The following MAP3K11 variants were observed in gnomAD, a reference collection of about 807,000 sequenced individuals.
MAP3K11 encodes SH3 domain-containing proline-rich kinase.
A neutral mutation model predicts 84.9 loss-of-function variants in MAP3K11; 46 were observed. The observed-to-expected ratio is 0.54, with a 90% CI of 0.43 to 0.69. The LOEUF (loss-of-function observed/expected upper bound fraction) is 0.69, where lower values mean the gene tolerates loss of function less well. Ranked by LOEUF, MAP3K11 falls within the 30% of genes least tolerant of loss-of-function variation. The pLI, the probability that MAP3K11 is intolerant of heterozygous loss-of-function variation, is 0.00. For synonymous variants in MAP3K11, 527 were observed against 514.7 expected (o/e 1.02, Z -0.32); for missense variants, 1,053 against 1,198.3 (o/e 0.88, Z 1.79).
At position 65,613,873 on chromosome 11, in the gene MAP3K11, A is replaced by G; in HGVS notation, c.-117T>C. The G allele has an allele frequency of 8.5e-7, 1 of 1,182,088 alleles. No individual in the cohort carries two copies. The highest frequency in any genetic ancestry group is 1.1e-6 in the Non-Finnish European group (1 of 870,862). The allele number at this position is 1,182,088 out of a possible 1,614,324, so 73.2% of individuals were successfully genotyped here. On this transcript the variant is annotated 5_prime_UTR_variant, in exon 1 of 10. It removes the in-frame stop codon of an upstream open reading frame in the 5' UTR. Transcript: ENST00000309100. ...CCTGGGCATCCGGGCCCTGGCCCTC[A>G]GCCCCAGACCCACGCCTCTCTGGGG...
At chr11:65,608,686 T>C (rs3017080) in intron 1 of MAP3K11, 1 of 470,386 alleles carries the variant, frequency 2.1e-6, no homozygotes, top group Non-Finnish European at 3.8e-6. Context: ...GGCGTGATCT[T>C]GGCTCACTGC....
At chr11:65,604,340 A>G (rs1854484809) in intron 8 of MAP3K11, among the ~76,000 whole-genome samples, 1 of 152,236 alleles carries the variant, frequency 6.6e-6, no homozygotes, top group South Asian at 2.1e-4. Context: ...ACAGGCTCTC[A>G]AGTTCTCCTT....
rs765969079 is a variant in MAP3K11, at chr11:65,606,652, TG to T, written c.1603+38del. The T allele has an allele frequency of 7.7e-6, 11 of 1,422,700 alleles. No homozygotes were observed. The Admixed American group carries it at 1.4e-4, about 19-fold the overall frequency. The allele number at this position is 1,422,700 out of a possible 1,614,324, so 88.1% of individuals were successfully genotyped here. On this transcript the variant is annotated intron_variant, in intron 6 of 9. Coordinates refer to ENST00000309100, the MANE Select transcript of MAP3K11 (RefSeq NM_002419.4). ...TAAGGTCTGACAGAGAATAAGGAGC[TG>T]GGGGGCGGAGAGGGGCATGAGAGGT...
At chr11:65,600,292 T>C (rs1016905128) in intron 8 of MAP3K11, among the ~76,000 whole-genome samples, 2 of 152,220 alleles carry the variant, frequency 1.3e-5, no homozygotes, top group Non-Finnish European at 2.9e-5. Flanking sequence ...CTGTCTCTAT[T>C]CTAGAAAGGA....
At position 65,598,438 on chromosome 11, in the gene MAP3K11, G is replaced by T; in HGVS notation, c.2397C>A (p.Arg799=). ...CCGGGAACAAGGTCCAGGGTGCTCG[G>T]CGGGGTGCAGGCTGTGGTGATGGCA... ...SPLPSPQPAP[R]RAPWTLFPDS... The change falls in exon 10 of 10, where the codon CGC becomes CGA. Residue 799 remains arginine (R), a synonymous_variant. Coordinates refer to ENST00000309100, the MANE Select transcript of MAP3K11 (RefSeq NM_002419.4). 4 of 1,608,250 alleles carry T rather than the reference G, an allele frequency of 2.5e-6. No homozygotes were observed. Among genetic ancestry groups the T allele is most frequent in the Non-Finnish European group, 3.4e-6 (4 of 1,176,746 alleles).
At position 65,598,337 on chromosome 11, in the gene MAP3K11, T is replaced by C. The variant is rs1324431117; in HGVS notation, c.2498A>G (p.Lys833Arg). The part of the protein sequence containing the change: ...GGPQDCRAQT[K>R]DMGAQAPWVP... ...CCACGGGGCCTGGGCACCCATGTCT[T>C]TGGTCTGTGCCCTGCAGTCCTGGGG... The change falls in exon 10 of 10, where the codon AAA (lysine) becomes AGA (arginine). Residue 833 changes from lysine (K) to arginine (R), a missense_variant. Around this residue, in one of 3 missense-constraint regions of MAP3K11, gnomAD observed 583 missense variants for 566.6 expected, o/e 1.03. Coordinates refer to ENST00000309100, the MANE Select transcript of MAP3K11 (RefSeq NM_002419.4). 1 of 1,498,472 alleles carries C rather than the reference T, an allele frequency of 6.7e-7. No homozygotes were observed. The highest frequency in any genetic ancestry group is 8.9e-7 in the Non-Finnish European group (1 of 1,122,674). 92.8% of individuals were successfully genotyped at this position (1,498,472 alleles called of 1,614,324 possible).
intron 2 of MAP3K11, 64 bp downstream of exon 2, chr11:65,608,204 T>A (rs1396230821): frequency 9.4e-6 from 15 of 1,591,418 alleles, no homozygotes; most frequent in African/African-American, 2.7e-5. Context: ...GCCCTAGATT[T>A]AGGCAGCCAC....
chr11:65,601,613 A>G (rs112753386), intron 8 of MAP3K11, among the ~76,000 whole-genome samples: 1 of 151,210 alleles, frequency 6.6e-6, no homozygotes, highest in African/African-American at 2.4e-5. Context: ...AAAATTAGCC[A>G]GGCGTGGTGG....
In MAP3K11 at chr11:65,614,121, T is replaced by A. The variant is rs1565147539; in HGVS notation, c.-365A>T. 2 of 210,104 alleles carry A rather than the reference T, an allele frequency of 9.5e-6. No homozygotes were observed. The highest frequency in any genetic ancestry group is 5.6e-5 in the Admixed American group (1 of 17,892). 13.0% of individuals were successfully genotyped at this position (210,104 alleles called of 1,614,324 possible). A position where few individuals can be genotyped will look rare whatever the true frequency, so the allele number is the denominator to read the frequency against. On this transcript the variant is annotated 5_prime_UTR_variant, in exon 1 of 10. Transcript: ENST00000309100. Reference sequence around the variant, plus strand: ...GGGCCTTCAGGGGCAGCGCCTCAACTCCGGTTGGGTCTTTTTGCGCAGGGG... The same window carrying A: ...GGGCCTTCAGGGGCAGCGCCTCAACACCGGTTGGGTCTTTTTGCGCAGGGG...
At chr11:65,603,562 G>A (rs1854477122) in intron 8 of MAP3K11, among the ~76,000 whole-genome samples, 1 of 152,272 alleles carries the variant, frequency 6.6e-6, no homozygotes, top group South Asian at 2.1e-4. Flanking sequence ...TATGGCTTAT[G>A]CCGGGGACCA....
intron 4 of MAP3K11, 33 bp downstream of exon 4, chr11:65,607,608 C>G: frequency 6.3e-7 from 1 of 1,578,050 alleles, no homozygotes; most frequent in Non-Finnish European, 8.6e-7. Context: ...GGGAGACACT[C>G]GTTCCAACGC....
At position 65,613,783 on chromosome 11, in the gene MAP3K11, G is replaced by T; in HGVS notation, c.-27C>A. 6.6e-7 allele frequency: 1 copy of T among 1,510,796 alleles called. No homozygotes were observed. The highest frequency in any genetic ancestry group is 8.8e-7 in the Non-Finnish European group (1 of 1,134,744). The allele number at this position is 1,510,796 out of a possible 1,614,324, so 93.6% of individuals were successfully genotyped here. A position where few individuals can be genotyped will look rare whatever the true frequency, so the allele number is the denominator to read the frequency against. On this transcript the variant is annotated 5_prime_UTR_variant, in exon 1 of 10. Transcript: ENST00000309100. ...GCCGGGAGCCGGCGCTGGGATGTGT[G>T]GAGGACCTTCTCTGGGTGCCCGTGG...
chr11:65,608,336 G>A lies in MAP3K11; in HGVS notation c.852C>T (p.Gly284=), dbSNP rs752634263. 4 of 1,614,214 alleles carry A rather than the reference G, an allele frequency of 2.5e-6. No homozygotes were observed. The highest frequency in any genetic ancestry group is 2.2e-5 in the South Asian group (2 of 91,082). Residue 284 remains glycine (G), a synonymous_variant, in exon 2 of 10, where the codon GGC becomes GGT. Coordinates refer to ENST00000309100, the MANE Select transcript of MAP3K11 (RefSeq NM_002419.4). ...CCTCAGGAGCCATCCAGGCGTAGGT[G>A]CCCGCGGCACTCATTTGTGTGGTTT... The part of the protein sequence containing the change: ...WHKTTQMSAA[G]TYAWMAPEVI...
chr11:65,605,905 A>G, intron 7 of MAP3K11, 41 bp downstream of exon 7: 1 of 1,611,368 alleles, frequency 6.2e-7, no homozygotes. Context: ...GACTTGGGGA[A>G]AGCAAATGAT....
Position 65,598,569 on chromosome 11 carries a change from G to T in MAP3K11, c.2266C>A (p.Pro756Thr). The T allele has an allele frequency of 6.3e-7, 1 of 1,597,496 alleles. No individual in the cohort carries two copies. Among genetic ancestry groups the T allele is most frequent in the Non-Finnish European group, 8.5e-7 (1 of 1,171,388 alleles). The change falls in exon 10 of 10, where the codon CCA becomes ACA. Residue 756 changes from proline (P) to threonine (T), a missense_variant. Physicochemically the swap from Pro to Thr is conservative, Grantham distance 38 (BLOSUM62 -1). This residue lies in a region of MAP3K11 where 583 missense variants were observed against 566.6 expected (regional missense o/e 1.03). Coordinates refer to ENST00000309100, the MANE Select transcript of MAP3K11 (RefSeq NM_002419.4). ...SRSAPGTPGT[P>T]RSPPLGLISR... ...ATGAGGCCCAGGGGTGGTGAACGTGGGGTGCCTGGGGTGCCAGGAGCAGAG... is the reference window on the plus strand; with the variant it reads ...ATGAGGCCCAGGGGTGGTGAACGTGTGGTGCCTGGGGTGCCAGGAGCAGAG...
intron 1 of MAP3K11, chr11:65,610,682 C>A (rs566384998): frequency 7.9e-5 from 12 of 152,286 alleles, no homozygotes; most frequent in Non-Finnish European, 1.8e-4. Context: ...CTTGCTGCTT[C>A]TTGGCCTGTC....
intron 8 of MAP3K11, among the ~76,000 whole-genome samples, chr11:65,601,929 T>C (rs1419033619): frequency 1.3e-5 from 2 of 149,756 alleles, no homozygotes; most frequent in South Asian, 2.1e-4. Flanking sequence ...GTTGGCCGGG[T>C]GCGGTGGCTC....
chr11:65,607,972 G>C lies in MAP3K11; in HGVS notation c.1019C>G (p.Thr340Arg). ...GGGGCAGGTGGATGGGATGGGCAGTGTGAGCTTGTTAACAGCTACGCCATA... is the reference window on the plus strand; with the variant it reads ...GGGGCAGGTGGATGGGATGGGCAGTCTGAGCTTGTTAACAGCTACGCCATA... ...VAYGVAVNKL[T>R]LPIPSTCPEP... Residue 340 changes from threonine to arginine, a missense_variant, in exon 3 of 10, where the codon ACA (threonine) becomes AGA (arginine). Thr to Arg is a moderately conservative substitution (Grantham distance 71). Around this residue, in one of 3 missense-constraint regions of MAP3K11, gnomAD observed 310 missense variants for 464.5 expected, o/e 0.67. Coordinates refer to ENST00000309100, the MANE Select transcript of MAP3K11 (RefSeq NM_002419.4). 10 of 1,614,226 alleles carry C rather than the reference G, an allele frequency of 6.2e-6. No individual in the cohort carries two copies. The highest frequency in any genetic ancestry group is 8.5e-6 in the Non-Finnish European group (10 of 1,180,042).
chr11:65,614,001 G>A lies in MAP3K11; in HGVS notation c.-245C>T. Reference sequence around the variant, plus strand: ...GGGGGGTGGGGCCCCGGGGCCTCCGGCGCCTCACCATGGCTAGCTTGGAGG... The same window carrying A: ...GGGGGGTGGGGCCCCGGGGCCTCCGACGCCTCACCATGGCTAGCTTGGAGG... On this transcript the variant is annotated 5_prime_UTR_variant, in exon 1 of 10. Coordinates refer to ENST00000309100, the MANE Select transcript of MAP3K11 (RefSeq NM_002419.4). The A allele has an allele frequency of 1.9e-6, 1 of 519,136 alleles. No homozygotes were observed. The highest frequency in any genetic ancestry group is 3.4e-6 in the Non-Finnish European group (1 of 294,774). The allele number at this position is 519,136 out of a possible 1,614,324, so 32.2% of individuals were successfully genotyped here.
Sources: gnomAD v4.1 joint callset for allele counts (sites outside exome capture counted in the v4.1 genomes callset) on GRCh38, gnomAD v4.1.1 for gene constraint, gnomAD v4.1.1 regional missense constraint, MANE v1.5 for transcripts, NCBI Gene and HGNC (gene_info 2026-07-23, HGNC 2026-07-21) for gene names.